Variants in CCSER1 observed in about 807,000 individuals in gnomAD.
The protein encoded by CCSER1 is coiled-coil serine rich protein 1, also known as serine-rich coiled-coil domain-containing protein 1.
In CCSER1, 41 loss-of-function variants were observed where a neutral mutation model predicts 82.0. The observed-to-expected ratio is 0.50, with a 90% CI of 0.39 to 0.65. The LOEUF is 0.65. Among genes scored for constraint, CCSER1 ranks in the 30% least tolerant of loss-of-function variants. CCSER1 has a pLI of 0.00. For missense variants in CCSER1, 1,119 were observed against 1,064.2 expected (o/e 1.05, Z -0.72); for synonymous variants, 414 against 383.9 (o/e 1.08, Z -0.92).
At chr4:91,146,987 G>A (rs915794412) in intron 10 of CCSER1, among the ~76,000 whole-genome samples, 50 of 152,292 alleles carry the variant, frequency 3.3e-4, no homozygotes, top group African/African-American at 1.2e-3. Flanking sequence ...TACTGGCACT[G>A]TGCTTATGTT....
chr4:91,187,559 T>G (rs983701804), intron 10 of CCSER1, among the ~76,000 whole-genome samples: 23 of 152,020 alleles, frequency 1.5e-4, no homozygotes, highest in African/African-American at 5.6e-4. Flanking sequence ...TTTTTTAATT[T>G]TTTATTTTTG....
intron 10 of CCSER1, among the ~76,000 whole-genome samples, chr4:91,167,550 G>A (rs1732227048): frequency 6.6e-6 from 1 of 152,128 alleles, no homozygotes; most frequent in Admixed American, 6.5e-5. Context: ...AAAGCAATCT[G>A]TAATATACAA....
chr4:90,828,660 C>T (rs73833900), intron 8 of CCSER1, among the ~76,000 whole-genome samples: 1,878 of 152,190 alleles, frequency 0.012, 48 homozygotes, highest in African/African-American at 0.043. Flanking sequence ...AGTGTTTTTC[C>T]TGTGTGTTCC....
intron 1 of CCSER1, among the ~76,000 whole-genome samples, chr4:90,130,398 G>A (rs756601595): frequency 1.2e-4 from 19 of 152,168 alleles, no homozygotes; most frequent in African/African-American, 1.9e-4. Flanking sequence ...AGAATGCTTC[G>A]GGGGTGGGTA....
At chr4:91,390,903 T>C (rs1404477768) in intron 10 of CCSER1, among the ~76,000 whole-genome samples, 1 of 152,136 alleles carries the variant, frequency 6.6e-6, no homozygotes, top group Non-Finnish European at 1.5e-5. Context: ...TCAGTTTCCA[T>C]GAGGTCTGTA....
intron 8 of CCSER1, among the ~76,000 whole-genome samples, chr4:90,922,799 A>G (rs963864703): frequency 2.6e-5 from 4 of 152,106 alleles, no homozygotes; most frequent in Non-Finnish European, 4.4e-5. Flanking sequence ...TTACTCAGAA[A>G]TCGTAGTTTC....
intron 5 of CCSER1, among the ~76,000 whole-genome samples, chr4:90,626,257 G>A (rs1169264588): frequency 6.6e-6 from 1 of 151,978 alleles, no homozygotes; most frequent in Non-Finnish European, 1.5e-5. Flanking sequence ...TATTTACTGA[G>A]TCAGCCTAAT....
At chr4:90,741,624 C>T (rs1746569795) in intron 7 of CCSER1, among the ~76,000 whole-genome samples, 1 of 152,284 alleles carries the variant, frequency 6.6e-6, no homozygotes, top group African/African-American at 2.4e-5. Context: ...TTATTTCTTA[C>T]TTAGTATTAT....
In CCSER1 at chr4:91,172,832, T is replaced by TAA. The variant is rs79600567; in HGVS notation, c.2217+86844_2217+86845dup. On this transcript the variant is annotated intron_variant, in intron 10 of 10. Transcript: ENST00000509176. Reference sequence around the variant, plus strand: ...ACATAATAAATAAACTGTGTTAATGTAAAAAAATACAAATATTGCTAATCT... The same window carrying TAA: ...ACATAATAAATAAACTGTGTTAATGTAAAAAAAAATACAAATATTGCTAATCT... 4.3e-4 allele frequency among the ~76,000 whole-genome samples: 66 copies of TAA among 151,902 alleles called. 1 individual carries two copies. The highest frequency in any genetic ancestry group is 3.9e-4 in the East Asian group (2 of 5,166).
intron 4 of CCSER1, among the ~76,000 whole-genome samples, chr4:90,440,104 A>C (rs1759647033): frequency 6.6e-6 from 1 of 152,036 alleles, no homozygotes; most frequent in Non-Finnish European, 1.5e-5. Flanking sequence ...CCTGGGCTCA[A>C]GTAATCATCC....
intron 9 of CCSER1, among the ~76,000 whole-genome samples, chr4:91,030,534 G>C (rs528261886): frequency 6.6e-6 from 1 of 152,206 alleles, no homozygotes; most frequent in South Asian, 2.1e-4. Flanking sequence ...GTGGAGGCAG[G>C]ACTCATGAGA....
At chr4:91,550,489 G>A (rs1410619739) in intron 10 of CCSER1, among the ~76,000 whole-genome samples, 1 of 152,124 alleles carries the variant, frequency 6.6e-6, no homozygotes, top group African/African-American at 2.4e-5. Flanking sequence ...TGGAGAATGC[G>A]ATTTGTGCTG....
intron 5 of CCSER1, among the ~76,000 whole-genome samples, chr4:90,524,113 T>C (rs974277584): frequency 5.9e-5 from 9 of 152,058 alleles, no homozygotes; most frequent in Admixed American, 1.3e-4. Context: ...TGGGACAAAA[T>C]TGGGGAGAAA....
chr4:90,593,606 A>T (rs966609294), intron 5 of CCSER1, among the ~76,000 whole-genome samples: 1 of 152,096 alleles, frequency 6.6e-6, no homozygotes, highest in African/African-American at 2.4e-5. Flanking sequence ...TCCAGCCTCC[A>T]GGTTCTATTC....
chr4:90,650,470 A>G (rs892616478), intron 6 of CCSER1, among the ~76,000 whole-genome samples: 2 of 152,220 alleles, frequency 1.3e-5, no homozygotes, highest in African/African-American at 4.8e-5. Flanking sequence ...TTATGATGAA[A>G]AAAGGAATGT....
intron 1 of CCSER1, among the ~76,000 whole-genome samples, chr4:90,243,574 T>G (rs7657700): frequency 0.24 from 34,672 of 143,402 alleles, 5,232 homozygotes; most frequent in East Asian, 0.55. Flanking sequence ...TTTGGGGAGG[T>G]GGGGGGTCTT....
At chr4:90,444,083 A>G (rs190680419) in intron 4 of CCSER1, among the ~76,000 whole-genome samples, 1 of 152,162 alleles carries the variant, frequency 6.6e-6, no homozygotes, top group African/African-American at 2.4e-5. Flanking sequence ...AAAGAATACT[A>G]TAAAGTTATT....
intron 10 of CCSER1, among the ~76,000 whole-genome samples, chr4:91,271,758 TTTTG>T (rs1407500861): frequency 7.2e-5 from 11 of 152,196 alleles, no homozygotes; most frequent in South Asian, 6.2e-4. Context: ...CACAGTTTCC[TTTTG>T]TTTGTTTTTG....
chr4:90,619,448 TA>T (rs569794064), intron 5 of CCSER1, among the ~76,000 whole-genome samples: 5 of 151,910 alleles, frequency 3.3e-5, no homozygotes, highest in Non-Finnish European at 4.4e-5. Context: ...AATTTTAGAT[TA>T]AAAAAAATTT....
Sources: gnomAD v4.1 joint callset for allele counts (sites outside exome capture counted in the v4.1 genomes callset) on GRCh38, gnomAD v4.1.1 for gene constraint, MANE v1.5 for transcripts, NCBI Gene and HGNC (gene_info 2026-07-23, HGNC 2026-07-21) for gene names.